The following MRTFA variants were observed in gnomAD, a reference collection of about 807,000 sequenced individuals.
MRTFA encodes myocardin-related transcription factor A.
MRTFA carries 20 observed loss-of-function variants against 83.5 expected under a neutral mutation model. The ratio of observed to expected loss-of-function variants is 0.24; its 90% CI spans 0.17 to 0.35. MRTFA has a LOEUF of 0.35. Ranked by LOEUF, MRTFA falls within the 10% of genes least tolerant of loss-of-function variation. The probability of loss-of-function intolerance (pLI) is 1.00; values close to 1 mark genes in which losing one functional copy is unlikely to be tolerated. For synonymous variants in MRTFA, 659 were observed against 541.2 expected, an observed-to-expected ratio of 1.22 and a Z score of -3.02; for missense variants, 1,200 against 1,224.7, an observed-to-expected ratio of 0.98 and a Z score of 0.30.
chr22:40,636,223 G>A (rs906647028), intron 1 of MRTFA, among the ~76,000 whole-genome samples: 2 of 152,182 alleles, frequency 1.3e-5, no homozygotes, highest in Non-Finnish European at 2.9e-5. Context: ...GCCCTGCCAG[G>A]CAGTGCACAG....
chr22:40,578,525 A>C (rs1394086448), intron 2 of MRTFA, among the ~76,000 whole-genome samples: 1 of 152,154 alleles, frequency 6.6e-6, no homozygotes, highest in African/African-American at 2.4e-5. Flanking sequence ...TCATCGACTC[A>C]GGAGGCCAAG....
At chr22:40,554,287 G>A (rs1384606571) in intron 2 of MRTFA, among the ~76,000 whole-genome samples, 1 of 152,128 alleles carries the variant, frequency 6.6e-6, no homozygotes, top group Non-Finnish European at 1.5e-5. Flanking sequence ...TGTGATTTGG[G>A]AGGGGCCAGG....
chr22:40,554,710 C>T (rs574451170), intron 2 of MRTFA, among the ~76,000 whole-genome samples: 4 of 152,236 alleles, frequency 2.6e-5, no homozygotes, highest in South Asian at 2.1e-4. Flanking sequence ...GAGTATATGC[C>T]GATGCTAATA....
intron 13 of MRTFA, 77 bp downstream of exon 13, chr22:40,417,264 G>C (rs1029043342): frequency 5.2e-6 from 8 of 1,546,292 alleles, no homozygotes; most frequent in Non-Finnish European, 7.0e-6. Flanking sequence ...TATTCCTCCG[G>C]GTGGGGCTGT....
chr22:40,527,131 TACACACACACAC>T (rs35912231), intron 3 of MRTFA, among the ~76,000 whole-genome samples: 4 of 146,470 alleles, frequency 2.7e-5, no homozygotes, highest in Admixed American at 1.4e-4. Flanking sequence ...GCCTCAAAGA[TACACACACACAC>T]ACACACACAC....
intron 2 of MRTFA, among the ~76,000 whole-genome samples, chr22:40,568,742 A>G (rs985041418): frequency 1.3e-5 from 2 of 152,250 alleles, no homozygotes; most frequent in African/African-American, 4.8e-5. Context: ...CATTACAACT[A>G]CATCTAAGTG....
chr22:40,635,328 A>C (rs963561284), intron 1 of MRTFA, among the ~76,000 whole-genome samples: 2 of 112,422 alleles, frequency 1.8e-5, no homozygotes, highest in Admixed American at 8.3e-5. Flanking sequence ...TGTAGGTCTA[A>C]CTTCTTACTG....
chr22:40,534,634 A>G (rs541566115), intron 3 of MRTFA, among the ~76,000 whole-genome samples: 1 of 152,304 alleles, frequency 6.6e-6, no homozygotes, highest in East Asian at 1.9e-4. Context: ...TTAGCCTCAC[A>G]AAGTGCTGGG....
At chr22:40,483,442 T>C (rs1450378782) in intron 3 of MRTFA, among the ~76,000 whole-genome samples, 3 of 151,408 alleles carry the variant, frequency 2.0e-5, no homozygotes, top group African/African-American at 7.3e-5. Context: ...TCCCAGCACT[T>C]TGGGAGGCCG....
In MRTFA at chr22:40,542,595, G is replaced by C. The variant is rs190961681; in HGVS notation, c.241+9511C>G. On this transcript the variant is annotated intron_variant, in intron 3 of 14. Transcript: ENST00000355630. The stretch of plus-strand genomic sequence containing the variant: ...ACATTAAAATGGTCAAATTATTTAA[G>C]CCAATATTTCCACTTCTAAGGAAAT... Among the ~76,000 whole-genome samples the C allele has an allele frequency of 7.6e-3, 1,152 of 152,136 alleles. 6 individuals carry two copies. Among genetic ancestry groups the C allele is most frequent in the Non-Finnish European group, 0.013 (867 of 67,996 alleles).
At chr22:40,467,362 A>G (rs2053827700) in intron 3 of MRTFA, among the ~76,000 whole-genome samples, 1 of 152,216 alleles carries the variant, frequency 6.6e-6, no homozygotes, top group African/African-American at 2.4e-5. Flanking sequence ...TTATCTGTGT[A>G]GACTAAAAAT....
chr22:40,497,699 G>A (rs2147214314), intron 3 of MRTFA, among the ~76,000 whole-genome samples: 1 of 152,120 alleles, frequency 6.6e-6, no homozygotes, highest in East Asian at 1.9e-4. Context: ...GTTGCAGTGA[G>A]CTGAGATCGC....
chr22:40,410,289 CTGTGTTTT>C lies in MRTFA; in HGVS notation c.*1093_*1100del, dbSNP rs762387928. On this transcript the variant is annotated 3_prime_UTR_variant, in exon 15 of 15. Transcript: ENST00000355630. The stretch of plus-strand genomic sequence containing the variant: ...GACTGAATAAGATGGACTAACAGGC[CTGTGTTTT>C]TGTGTTTATTTTAAAAAGTTCACAC... 3.4e-6 allele frequency: 2 copies of C among 595,202 alleles called. No homozygotes were observed. The highest frequency in any genetic ancestry group is 4.4e-6 in the Non-Finnish European group (2 of 452,074). 36.9% of individuals were successfully genotyped at this position (595,202 alleles called of 1,614,324 possible).
At chr22:40,609,897 G>T (rs552325625) in intron 1 of MRTFA, among the ~76,000 whole-genome samples, 1 of 152,146 alleles carries the variant, frequency 6.6e-6, no homozygotes, top group Non-Finnish European at 1.5e-5. Flanking sequence ...GCAGATAAAC[G>T]TATGTCCTCT....
At chr22:40,519,432 G>A in intron 3 of MRTFA, 1 of 1,332,478 alleles carries the variant, frequency 7.5e-7, no homozygotes, top group South Asian at 1.2e-5. Flanking sequence ...AGGGTTGAGA[G>A]ATGAAGGCGA....
intron 7 of MRTFA, among the ~76,000 whole-genome samples, chr22:40,425,943 C>G (rs1326307100): frequency 6.6e-6 from 1 of 152,200 alleles, no homozygotes; most frequent in Non-Finnish European, 1.5e-5. Flanking sequence ...TCCCTGCCCT[C>G]CAGGAGTTTA....
At chr22:40,518,795 C>CAAAA (rs879690699) in intron 3 of MRTFA, among the ~76,000 whole-genome samples, 4 of 68,130 alleles carry the variant, frequency 5.9e-5, no homozygotes, top group Non-Finnish European at 8.1e-5. Flanking sequence ...ACTCTGTCTC[C>CAAAA]AAAAAAAAAA....
At chr22:40,546,938 A>T (rs2055373510) in intron 3 of MRTFA, among the ~76,000 whole-genome samples, 1 of 152,042 alleles carries the variant, frequency 6.6e-6, no homozygotes, top group Non-Finnish European at 1.5e-5. Flanking sequence ...GGAGGATCAC[A>T]AGGTCAGGAG....
At chr22:40,440,126 TG>T (rs1250823414) in intron 4 of MRTFA, among the ~76,000 whole-genome samples, 3 of 133,730 alleles carry the variant, frequency 2.2e-5, no homozygotes, top group African/African-American at 8.7e-5. Flanking sequence ...CACTCCAGCC[TG>T]GGTGACAGAG....
Sources: gnomAD v4.1 joint callset for allele counts (sites outside exome capture counted in the v4.1 genomes callset) on GRCh38, gnomAD v4.1.1 for gene constraint, MANE v1.5 for transcripts, NCBI Gene and HGNC (gene_info 2026-07-23, HGNC 2026-07-21) for gene names.